Variants in VPS72 observed in about 807,000 individuals in gnomAD.
The protein encoded by VPS72 is vacuolar protein sorting-associated protein 72 homolog.
VPS72 carries 27 observed loss-of-function variants against 38.9 expected under a neutral mutation model. That is an observed-to-expected ratio of 0.69 (90% CI 0.51 to 0.96). The LOEUF (loss-of-function observed/expected upper bound fraction) is 0.96. Among genes scored for constraint, VPS72 ranks in the 40% least tolerant of loss-of-function variants. The pLI is 0.00. For synonymous variants in VPS72, 173 were observed against 186.3 expected (o/e 0.93, Z 0.58); for missense variants, 360 against 479.5 (o/e 0.75, Z 2.33).
At chr1:151,188,236 C>T (rs1684393333) in intron 1 of VPS72, among the ~76,000 whole-genome samples, 1 of 152,080 alleles carries the variant, frequency 6.6e-6, no homozygotes, top group Non-Finnish European at 1.5e-5. Flanking sequence ...CAGGGTTTCA[C>T]CATGTTGGTC....
At chr1:151,179,303 T>A (rs886747919) in intron 4 of VPS72, among the ~76,000 whole-genome samples, 2 of 146,408 alleles carry the variant, frequency 1.4e-5, no homozygotes, top group African/African-American at 2.5e-5. Flanking sequence ...TTTAAAAATT[T>A]AAAAAAAAGG....
At chr1:151,186,091 A>C (rs915666158) in intron 1 of VPS72, 141 bp from the exon 2 acceptor site, 23 of 1,114,438 alleles carry the variant, frequency 2.1e-5, no homozygotes, top group Middle Eastern at 3.0e-4. Context: ...TCAGGCAAGA[A>C]AACTTTCTAG....
At chr1:151,180,716 G>A (rs992402053) in intron 4 of VPS72, among the ~76,000 whole-genome samples, 13 of 152,104 alleles carry the variant, frequency 8.5e-5, no homozygotes, top group Admixed American at 2.0e-4. Context: ...GATTACAGGC[G>A]TGAGCCACCA....
intron 3 of VPS72, among the ~76,000 whole-genome samples, chr1:151,184,998 G>GT (rs907926181): frequency 4.6e-5 from 7 of 152,016 alleles, no homozygotes; most frequent in African/African-American, 1.2e-4. Flanking sequence ...GTTATGTGTG[G>GT]TTTTTTTCTG....
At position 151,176,402 on chromosome 1, in the gene VPS72, A is replaced by G; in HGVS notation, c.*242T>C. The G allele has an allele frequency of 1.8e-6, 1 of 557,314 alleles. No individual in the cohort carries two copies. The highest frequency in any genetic ancestry group is 3.1e-6 in the Non-Finnish European group (1 of 325,338). 34.5% of individuals were successfully genotyped at this position (557,314 alleles called of 1,614,324 possible). A position where few individuals can be genotyped will look rare whatever the true frequency, so the allele number is the denominator to read the frequency against. On this transcript the variant is annotated 3_prime_UTR_variant, in exon 6 of 6. Coordinates refer to ENST00000368892, the MANE Select transcript of VPS72 (RefSeq NM_005997.3). ...ATAAATGCTATCGAATAAAGACCCA[A>G]ATATATGCAGGTATTCAAATACTTC...
chr1:151,186,095 T>C, intron 1 of VPS72, 145 bp from the exon 2 acceptor site: 1 of 1,054,002 alleles, frequency 9.5e-7, no homozygotes, highest in Non-Finnish European at 1.3e-6. Context: ...GCAAGAAAAC[T>C]TTCTAGCTAA....
rs765944293 is a variant in VPS72, at chr1:151,190,150, G to T, written c.-29C>A. On this transcript the variant is annotated 5_prime_UTR_variant, in exon 1 of 6. Transcript: ENST00000368892. ...GCCTACCGAGACTGCGCCGCCACCT[G>T]CAGCCCCTCACCAGCTCGGTTTTGG... 1.9e-6 allele frequency: 3 copies of T among 1,609,088 alleles called. No individual in the cohort carries two copies. The highest frequency in any genetic ancestry group is 2.5e-6 in the Non-Finnish European group (3 of 1,178,976).
chr1:151,188,065 C>G (rs1684390492), intron 1 of VPS72, among the ~76,000 whole-genome samples: 1 of 148,312 alleles, frequency 6.7e-6, no homozygotes, highest in Non-Finnish European at 1.5e-5. Context: ...TTTTTTGAGA[C>G]AGAGTCTCAC....
chr1:151,178,428 G>C (rs1482758443), intron 4 of VPS72, among the ~76,000 whole-genome samples: 1 of 152,152 alleles, frequency 6.6e-6, no homozygotes, highest in Non-Finnish European at 1.5e-5. Context: ...GAGCTTATTT[G>C]CTTTCCCAGA....
At chr1:151,184,276 C>T (rs1217585720) in intron 4 of VPS72, 41 bp downstream of exon 4, 2 of 1,601,958 alleles carry the variant, frequency 1.2e-6, no homozygotes, top group Non-Finnish European at 1.7e-6. Flanking sequence ...TCTCATGCCC[C>T]TCAGCCCCTC....
rs917073177 is a variant in VPS72, at chr1:151,176,465, ATCTT to A, written c.*175_*178del. ...CTAGACTGGACACCAGACAAAAGGG[ATCTT>A]TCTATTTTATTAGATTAAAAAACAC... On this transcript the variant is annotated 3_prime_UTR_variant, in exon 6 of 6. Coordinates refer to ENST00000368892, the MANE Select transcript of VPS72 (RefSeq NM_005997.3). 1 of 1,074,314 alleles carries A rather than the reference ATCTT, an allele frequency of 9.3e-7. No individual in the cohort carries two copies. Among genetic ancestry groups the A allele is most frequent in the Non-Finnish European group, 1.3e-6 (1 of 758,692 alleles). 66.5% of individuals were successfully genotyped at this position (1,074,314 alleles called of 1,614,324 possible). A position where few individuals can be genotyped will look rare whatever the true frequency, so the allele number is the denominator to read the frequency against.
In VPS72 at chr1:151,190,089, C is replaced by A; in HGVS notation, c.33G>T (p.Lys11Asn). The A allele has an allele frequency of 1.2e-6, 2 of 1,614,152 alleles. No individual in the cohort carries two copies. The highest frequency in any genetic ancestry group is 1.7e-6 in the Non-Finnish European group (2 of 1,180,040). MSLAGGRAPR[K>N]TAGNRLSGLL... ...GCCCAGAAAGCCGGTTCCCAGCGGT[C>A]TTCCGGGGTGCCCGGCCCCCAGCCA... Residue 11 changes from lysine (K) to asparagine (N), a missense_variant, in exon 1 of 6, where the codon AAG (lysine) becomes AAT (asparagine). Coordinates refer to ENST00000368892, the MANE Select transcript of VPS72 (RefSeq NM_005997.3).
In VPS72 at chr1:151,184,311, A is replaced by G; in HGVS notation, c.562+6T>C. The G allele has an allele frequency of 6.2e-7, 1 of 1,613,450 alleles. No homozygotes were observed. Among genetic ancestry groups the G allele is most frequent in the Non-Finnish European group, 8.5e-7 (1 of 1,179,620 alleles). ...CTACTCACTTTTTCTGAAACCACAG[A>G]CTTACCCAGTGACCGTAAATTAAGC... is the stretch of plus-strand genomic sequence containing the variant. On this transcript the variant is annotated splice_donor_region_variant and intron_variant, in intron 4 of 5. Coordinates refer to ENST00000368892, the MANE Select transcript of VPS72 (RefSeq NM_005997.3).
In VPS72 at chr1:151,176,991, C is replaced by A. The variant is rs587628423; in HGVS notation, c.748G>T (p.Ala250Ser). ...GGGGGGTTGACGGGTCCAGTCCCAG[C>A]ATGAGGAGTCAATGCAGACACCGAG... ...APSVSALTPH[A>S]GTGPVNPPAR... is the part of the protein sequence containing the mutation. The change falls in exon 6 of 6, where the codon GCT becomes TCT. Residue 250 changes from alanine (A) to serine (S), a missense_variant. Physicochemically the swap from Ala to Ser is moderately conservative, Grantham distance 99. Coordinates refer to ENST00000368892, the MANE Select transcript of VPS72 (RefSeq NM_005997.3). 9.4e-6 allele frequency: 15 copies of A among 1,592,780 alleles called. No homozygotes were observed. The South Asian group carries it at 1.6e-4, about 17-fold the overall frequency.
intron 4 of VPS72, among the ~76,000 whole-genome samples, 182 bp from the exon 5 acceptor site, chr1:151,178,327 T>C (rs1684162647): frequency 6.6e-6 from 1 of 152,214 alleles, no homozygotes; most frequent in African/African-American, 2.4e-5. Flanking sequence ...TTTCTGCTTA[T>C]AAGTTTTTTC....
chr1:151,186,823 T>C (rs150952977), intron 1 of VPS72, among the ~76,000 whole-genome samples: 83 of 152,334 alleles, frequency 5.4e-4, no homozygotes, highest in African/African-American at 1.9e-3. Flanking sequence ...TGTAGGACTG[T>C]ATGATTTGAA....
intron 3 of VPS72, among the ~76,000 whole-genome samples, chr1:151,185,012 G>T (rs919741709): frequency 2.0e-5 from 3 of 152,208 alleles, no homozygotes; most frequent in Admixed American, 6.5e-5. Context: ...TTTTCTGAAT[G>T]ATCTAAATTA....
chr1:151,185,705 C>A, intron 2 of VPS72, 85 bp from the exon 3 acceptor site: 1 of 1,608,304 alleles, frequency 6.2e-7, no homozygotes, highest in Non-Finnish European at 8.5e-7. Flanking sequence ...ACTAGCATTG[C>A]CAGAAATGGA....
intron 1 of VPS72, 69 bp downstream of exon 1, chr1:151,189,936 G>T: frequency 2.3e-5 from 35 of 1,529,292 alleles, no homozygotes; most frequent in South Asian, 4.6e-5. Context: ...CTTCTTCTTT[G>T]TCCGGGGTTT....
Sources: allele counts gnomAD v4.1 joint callset (sites outside exome capture counted in the v4.1 genomes callset), GRCh38; gene constraint gnomAD v4.1.1; transcripts MANE v1.5; gene names NCBI Gene and HGNC (gene_info 2026-07-23, HGNC 2026-07-21).